The following ALOX5AP variants were observed in gnomAD, a reference collection of about 807,000 sequenced individuals.
ALOX5AP encodes the protein arachidonate 5-lipoxygenase activating protein.
ALOX5AP carries 9 observed loss-of-function variants against 18.5 expected under a neutral mutation model. The ratio of observed to expected loss-of-function variants is 0.49; its 90% confidence interval spans 0.29 to 0.85. ALOX5AP has a LOEUF of 0.85. Among genes scored for constraint, ALOX5AP ranks in the 40% least tolerant of loss-of-function variants. The pLI, the probability that ALOX5AP is intolerant of heterozygous loss-of-function variation, is 0.08. For missense variants in ALOX5AP, 172 were observed against 202.5 expected (o/e 0.85, Z 0.91); for synonymous variants, 81 against 78.6 (o/e 1.03, Z -0.16).
rs75213687 is a variant in ALOX5AP, at chr13:30,713,857, C to T, written c.116+16C>T. The T allele has an allele frequency of 1.8e-4, 193 of 1,067,940 alleles. No homozygotes were observed. In the Admixed American group the frequency reaches 2.7e-3, roughly 15 times the overall value. 66.2% of individuals were successfully genotyped at this position (1,067,940 alleles called of 1,614,324 possible). On this transcript the variant is annotated intron_variant, in intron 1 of 5. Coordinates refer to the ALOX5AP transcript ENST00000617770. ...ATCAGTGCTGGTGTGTGTGTGTGTG[C>T]GCGCACACGCGCATGTGTGTGCATC...
intron 1 of ALOX5AP, among the ~76,000 whole-genome samples, chr13:30,725,125 A>G (rs1282651129): frequency 2.6e-5 from 4 of 152,126 alleles, no homozygotes; most frequent in Non-Finnish European, 4.4e-5. Context: ...TGTTCATTTT[A>G]CCTAGAAGAG....
At chr13:30,730,894 A>G (rs961000882), upstream of ALOX5AP, among the ~76,000 whole-genome samples, 5 of 152,152 alleles carry the variant, frequency 3.3e-5, no homozygotes, top group African/African-American at 1.2e-4. Context: ...CAGTCAAACT[A>G]CTAACAGTAC....
chr13:30,735,457 A>AAAT, upstream of ALOX5AP: 1 of 1,264,558 alleles, frequency 7.9e-7, no homozygotes, highest in Non-Finnish European at 1.0e-6. Flanking sequence ...AAAAAAAAAA[A>AAAT]AAGGAAGAAG....
At chr13:30,758,118 G>A (rs984334116) in intron 4 of ALOX5AP, among the ~76,000 whole-genome samples, 6 of 152,148 alleles carry the variant, frequency 3.9e-5, no homozygotes, top group African/African-American at 1.4e-4. Flanking sequence ...CAACCACTCT[G>A]AGCAGCTGTC....
chr13:30,748,980 A>T (rs1002877414), intron 2 of ALOX5AP, among the ~76,000 whole-genome samples: 1 of 152,188 alleles, frequency 6.6e-6, no homozygotes, highest in East Asian at 1.9e-4. Context: ...GGAGGGGCAC[A>T]TAAGCTTGCA....
At chr13:30,718,797 G>A (rs1362935191) in intron 1 of ALOX5AP, among the ~76,000 whole-genome samples, 1 of 152,128 alleles carries the variant, frequency 6.6e-6, no homozygotes, top group African/African-American at 2.4e-5. Flanking sequence ...GACCTTTGAG[G>A]TCATGACAGC....
intron 1 of ALOX5AP, among the ~76,000 whole-genome samples, chr13:30,722,716 T>G (rs1444873078): frequency 6.6e-6 from 1 of 152,232 alleles, no homozygotes; most frequent in Non-Finnish European, 1.5e-5. Flanking sequence ...CAGGGCCTAG[T>G]AGGAGGTGTT....
upstream of ALOX5AP, among the ~76,000 whole-genome samples, chr13:30,733,593 A>G (rs1951698398): frequency 6.6e-6 from 1 of 152,242 alleles, no homozygotes; most frequent in Non-Finnish European, 1.5e-5. Context: ...TGATTGAGCT[A>G]AAAAATGCCC....
At chr13:30,741,552 CCCCA>C (rs140960104) in intron 1 of ALOX5AP, among the ~76,000 whole-genome samples, 69,613 of 101,274 alleles carry the variant, frequency 0.69, 20,439 homozygotes, top group South Asian at 0.8. Flanking sequence ...CCCTCCCCAC[CCCCA>C]CCCCCCAACA....
intron 4 of ALOX5AP, among the ~76,000 whole-genome samples, chr13:30,759,239 C>A (rs1484211399): frequency 1.3e-5 from 2 of 152,198 alleles, no homozygotes; most frequent in African/African-American, 4.8e-5. Flanking sequence ...CCCTAGCAGG[C>A]ACTGGGTTGC....
chr13:30,736,623 T>C (rs1054019905), intron 1 of ALOX5AP, among the ~76,000 whole-genome samples: 45 of 152,202 alleles, frequency 3.0e-4, no homozygotes, highest in Admixed American at 5.9e-4. Context: ...TATTCTATTT[T>C]CCCCCATCTT....
upstream of ALOX5AP, among the ~76,000 whole-genome samples, chr13:30,732,213 G>A (rs115053311): frequency 9.8e-3 from 1,499 of 152,238 alleles, 22 homozygotes; most frequent in African/African-American, 0.034. Context: ...CTTCTAAAGC[G>A]CGAATGGCTG....
chr13:30,748,431 C>T (rs574075642), intron 2 of ALOX5AP, among the ~76,000 whole-genome samples: 23 of 152,228 alleles, frequency 1.5e-4, no homozygotes, highest in East Asian at 3.9e-4. Context: ...AATATAGCAA[C>T]GAATTCTTTT....
intron 2 of ALOX5AP, chr13:30,744,398 TG>T (rs1247498788): frequency 1.4e-5 from 6 of 442,930 alleles, no homozygotes; most frequent in Admixed American, 7.0e-5. Flanking sequence ...GAGGGAGGTG[TG>T]ATCTCTGCAG....
At chr13:30,746,587 C>G (rs1951811133) in intron 2 of ALOX5AP, among the ~76,000 whole-genome samples, 1 of 152,216 alleles carries the variant, frequency 6.6e-6, no homozygotes, top group African/African-American at 2.4e-5. Context: ...TTGCCTGTGC[C>G]AGGAAACCAC....
intron 2 of ALOX5AP, among the ~76,000 whole-genome samples, chr13:30,751,455 T>A (rs1208767306): frequency 6.6e-6 from 1 of 152,164 alleles, no homozygotes; most frequent in Non-Finnish European, 1.5e-5. Flanking sequence ...AGAGGAAGGG[T>A]GCAAAACATC....
At chr13:30,722,122 G>A (rs17222849) in intron 1 of ALOX5AP, among the ~76,000 whole-genome samples, 20,164 of 152,272 alleles carry the variant, frequency 0.13, 1,360 homozygotes, top group South Asian at 0.21. Flanking sequence ...AGAAGTCGAA[G>A]TTGAAGGGTG....
At position 30,764,277 on chromosome 13, in the gene ALOX5AP, T is replaced by C. The variant is rs1951971703; in HGVS notation, c.*171T>C. ...TTTCCGGGAACAAAATGATGTCATG[T>C]CAGCTCCGCCCCTTGAACATGACCG... is the stretch of plus-strand genomic sequence containing the variant. On this transcript the variant is annotated 3_prime_UTR_variant, in exon 5 of 5. Transcript: ENST00000380490. 1.5e-6 allele frequency: 1 copy of C among 678,824 alleles called. No homozygotes were observed. Among genetic ancestry groups the C allele is most frequent in the South Asian group, 2.3e-5 (1 of 44,220 alleles). The allele number at this position is 678,824 out of a possible 1,614,324, so 42.1% of individuals were successfully genotyped here.
intron 1 of ALOX5AP, among the ~76,000 whole-genome samples, chr13:30,726,842 T>C (rs12430915): frequency 0.079 from 12,066 of 152,142 alleles, 686 homozygotes; most frequent in Admixed American, 0.17. Context: ...ACCAGTTTTT[T>C]CCTATTCCTC....
Sources: allele counts gnomAD v4.1 joint callset (sites outside exome capture counted in the v4.1 genomes callset), GRCh38; gene constraint gnomAD v4.1.1; transcripts MANE v1.5; gene names NCBI Gene and HGNC (gene_info 2026-07-23, HGNC 2026-07-21).